MICALL1: variants seen among roughly 807,000 people sequenced by gnomAD.
MICALL1 encodes the protein MICAL-like protein 1.
Under a neutral mutation model 83.7 loss-of-function variants are expected in MICALL1, and 61 were observed. The ratio of observed to expected loss-of-function variants is 0.73; its 90% CI spans 0.59 to 0.90. The LOEUF is 0.90. Ranked by LOEUF, MICALL1 falls within the 40% of genes least tolerant of loss-of-function variation. The pLI is 0.00. For synonymous variants in MICALL1, 481 were observed against 473.6 expected, an observed-to-expected ratio of 1.02 and a Z score of -0.20; for missense variants, 1,066 against 1,152.0, an observed-to-expected ratio of 0.93 and a Z score of 1.08.
Position 37,912,423 on chromosome 22 carries a change from G to A in MICALL1, c.268G>A (p.Val90Ile), listed in dbSNP as rs142468594. 28 of 1,613,796 alleles carry A rather than the reference G, an allele frequency of 1.7e-5. No individual in the cohort carries two copies. Among genetic ancestry groups the A allele is most frequent in the Non-Finnish European group, 1.7e-5 (20 of 1,179,882 alleles). Reference sequence around the variant, plus strand: ...CCCCAATGACATGGTCTCCATGAGCGTCCCTGACTGCCTCAGCATCATGAC... The same window carrying A: ...CCCCAATGACATGGTCTCCATGAGCATCCCTGACTGCCTCAGCATCATGAC... ...LDPNDMVSMS[V>I]PDCLSIMTYV... The change falls in exon 3 of 16, where the codon GTC becomes ATC. Residue 90 changes from valine to isoleucine, a missense_variant. By Grantham distance (29) the Val-to-Ile change is conservative (BLOSUM62 3). Coordinates refer to ENST00000215957, the MANE Select transcript of MICALL1 (RefSeq NM_033386.4).
At position 37,927,500 on chromosome 22, in the gene MICALL1, G is replaced by A. The variant is rs9610875; in HGVS notation, c.1555G>A (p.Ala519Thr). 18 of 1,612,408 alleles carry A rather than the reference G, an allele frequency of 1.1e-5. No individual in the cohort carries two copies. Among genetic ancestry groups the A allele is most frequent in the African/African-American group, 2.7e-5 (2 of 74,898 alleles). ...CGTGGAGAGCCTGTCGTCTGAGAGC[G>A]CCAGCCAGACTGCAGGTGCAGAGCT... ...LSVESLSSES[A>T]SQTAGAELLE... The change falls in exon 9 of 16, where the codon GCC becomes ACC. Residue 519 changes from alanine (A) to threonine (T), a missense_variant. Transcript: ENST00000215957.
Position 37,912,380 on chromosome 22 carries a change from G to T in MICALL1, c.225G>T (p.Gly75=). ...TTGAAGTGGCTGAGAAGGAGCTGGG[G>T]ATCCCCGCTCTCCTGGACCCCAATG... ...LAFEVAEKEL[G]IPALLDPNDM... is the part of the protein sequence containing the mutation. Residue 75 remains glycine (G), a synonymous_variant, in exon 3 of 16, where the codon GGG becomes GGT. Transcript: ENST00000215957. 1 of 1,613,438 alleles carries T rather than the reference G, an allele frequency of 6.2e-7. No homozygotes were observed. Among genetic ancestry groups the T allele is most frequent in the Non-Finnish European group, 8.5e-7 (1 of 1,179,434 alleles).
At position 37,932,890 on chromosome 22, in the gene MICALL1, T is replaced by C; in HGVS notation, c.2234+2T>C. Reference sequence around the variant, plus strand: ...GCGAGAGTCCGAGCTCATCTATGTGTGAGTCCCCCCGCCTGGGGCATCCCT... The same window carrying C: ...GCGAGAGTCCGAGCTCATCTATGTGCGAGTCCCCCCGCCTGGGGCATCCCT... On this transcript the variant is annotated splice_donor_variant, in intron 12 of 15. Transcript: ENST00000215957. LOFTEE classifies it high-confidence loss of function. The surrounding 1 kb of genome is among the most constrained non-coding windows in gnomAD (Gnocchi z 4.4). 2 of 1,614,006 alleles carry C rather than the reference T, an allele frequency of 1.2e-6. No homozygotes were observed. The highest frequency in any genetic ancestry group is 1.7e-6 in the Non-Finnish European group (2 of 1,179,928).
intron 13 of MICALL1, among the ~76,000 whole-genome samples, chr22:37,933,468 G>A (rs1929914925): frequency 6.6e-6 from 1 of 152,306 alleles, no homozygotes; most frequent in Middle Eastern, 3.4e-3. Flanking sequence ...CTAACTTGCT[G>A]TGTGACCTTG....
chr22:37,911,747 C>A lies in MICALL1; in HGVS notation c.147-205C>A, dbSNP rs186922597. Among the ~76,000 whole-genome samples, 9 of 152,238 alleles carry A rather than the reference C, an allele frequency of 5.9e-5. No individual in the cohort carries two copies. The East Asian group carries it at 1.7e-3, about 29-fold the overall frequency. On this transcript the variant is annotated intron_variant, in intron 1 of 15. Coordinates refer to ENST00000215957, the MANE Select transcript of MICALL1 (RefSeq NM_033386.4). Reference sequence around the variant, plus strand: ...CCCGTGATCTCATGCCCTGCCCTGCCCTGGCAGCTCCAGCTCTAGCAGCGA... The same window carrying A: ...CCCGTGATCTCATGCCCTGCCCTGCACTGGCAGCTCCAGCTCTAGCAGCGA...
In MICALL1 at chr22:37,912,467, C is replaced by A; in HGVS notation, c.312C>A (p.Tyr104Ter). The A allele has an allele frequency of 6.2e-7, 1 of 1,613,306 alleles. No individual in the cohort carries two copies. Among genetic ancestry groups the A allele is most frequent in the South Asian group, 1.1e-5 (1 of 91,026 alleles). ...TCATGACCTATGTGTCCCAGTATTA[C>A]AACCACTTCTGCAGTCCTGGCCAAG... ...LSIMTYVSQY[Y>*]NHFCSPGQAG... Residue 104 changes from tyrosine (Y) to a stop codon, truncating the protein, a stop_gained, in exon 3 of 16, where the codon TAC becomes TAA. Transcript: ENST00000215957. LOFTEE classifies it high-confidence loss of function.
chr22:37,926,226 GA>G (rs1929430926), intron 8 of MICALL1, among the ~76,000 whole-genome samples, 183 bp downstream of exon 8: 1 of 152,196 alleles, frequency 6.6e-6, no homozygotes, highest in South Asian at 2.1e-4. Context: ...TGCAGGTGAG[GA>G]GACTGAGGCA....
At position 37,912,494 on chromosome 22, in the gene MICALL1, TGA is replaced by T. The variant is rs774749545; in HGVS notation, c.337+6_337+7del. The T allele has an allele frequency of 3.8e-6, 6 of 1,599,932 alleles. No homozygotes were observed. Among genetic ancestry groups the T allele is most frequent in the African/African-American group, 2.7e-5 (2 of 74,742 alleles). ...ACCACTTCTGCAGTCCTGGCCAAGG[TGA>T]GAGGGGGACTCAGCGTTTCACGGAG... On this transcript the variant is annotated splice_donor_region_variant and intron_variant, in intron 3 of 15. Transcript: ENST00000215957.
intron 13 of MICALL1, among the ~76,000 whole-genome samples, chr22:37,934,477 A>G (rs1929973102): frequency 1.3e-5 from 2 of 151,340 alleles, no homozygotes; most frequent in South Asian, 2.1e-4. Context: ...CCCCAGAACC[A>G]GGTTGGGCCA....
At chr22:37,935,401 C>T (rs1364467270) in intron 13 of MICALL1, among the ~76,000 whole-genome samples, 1 of 151,872 alleles carries the variant, frequency 6.6e-6, no homozygotes, top group East Asian at 1.9e-4. Context: ...GCTGGGACTA[C>T]AGGCGCCCGC....
At chr22:37,909,143 C>T (rs922538847) in intron 1 of MICALL1, among the ~76,000 whole-genome samples, 2 of 152,124 alleles carry the variant, frequency 1.3e-5, no homozygotes, top group Admixed American at 6.6e-5. Context: ...ACCTCTGCCT[C>T]CCGGATTCAA....
At chr22:37,920,543 G>A (rs1928963431) in intron 5 of MICALL1, among the ~76,000 whole-genome samples, 1 of 151,928 alleles carries the variant, frequency 6.6e-6, no homozygotes, top group Non-Finnish European at 1.5e-5. Flanking sequence ...TTCGGAGGCT[G>A]AGGCTGGAGG....
Position 37,941,078 on chromosome 22 carries a change from C to T in MICALL1, c.*248C>T, listed in dbSNP as rs556239294. On this transcript the variant is annotated 3_prime_UTR_variant, in exon 16 of 16. Transcript: ENST00000215957. ...CTGCCCAACCTGATTCTGATGACTG[C>T]GGATGCTGTGACGGACCCAAGGGGC... 93 of 416,324 alleles carry T rather than the reference C, an allele frequency of 2.2e-4. No individual in the cohort carries two copies. The highest frequency in any genetic ancestry group is 1.6e-3 in the Admixed American group (45 of 28,486). 25.8% of individuals were successfully genotyped at this position (416,324 alleles called of 1,614,324 possible).
rs1930485442 is a variant in MICALL1, at chr22:37,942,583, G to A, written c.*1753G>A. 6.6e-6 allele frequency: 1 copy of A among 151,250 alleles called. No individual in the cohort carries two copies. Among genetic ancestry groups the A allele is most frequent in the African/African-American group, 2.4e-5 (1 of 41,038 alleles). 9.4% of individuals were successfully genotyped at this position (151,250 alleles called of 1,614,324 possible). On this transcript the variant is annotated 3_prime_UTR_variant, in exon 16 of 16. Transcript: ENST00000215957. ...GTGGCGCGATCTCAGCTCACTGCAA[G>A]CTCCGCCTCCTGGGTTCACGCCATC...
In MICALL1 at chr22:37,924,073, A is replaced by T. The variant is rs542807398; in HGVS notation, c.1025-587A>T. 1.3e-5 allele frequency among the ~76,000 whole-genome samples: 2 copies of T among 152,308 alleles called. No homozygotes were observed. The highest frequency in any genetic ancestry group is 1.3e-4 in the Admixed American group (2 of 15,304). On this transcript the variant is annotated intron_variant, in intron 6 of 15. Transcript: ENST00000215957. This position sits in a 1 kb window ranked among gnomAD's most constrained non-coding sequence, Gnocchi z 5.2. ...CCCTTATCATTCCATTAGGGAAGGC[A>T]TTGGTGGCCACGGGGAGAGAGACTC...
chr22:37,941,442 C>G lies in MICALL1; in HGVS notation c.*612C>G, dbSNP rs796708382. 1.0e-4 allele frequency: 16 copies of G among 152,672 alleles called. No homozygotes were observed. Among genetic ancestry groups the G allele is most frequent in the African/African-American group, 3.8e-4 (16 of 41,578 alleles). The allele number at this position is 152,672 out of a possible 1,614,324, so 9.5% of individuals were successfully genotyped here. A position where few individuals can be genotyped will look rare whatever the true frequency, so the allele number is the denominator to read the frequency against. ...CGGGCAAATCCATCCCTCTCTCCCT[C>G]ACAGTTCCAGGAGCGGCTTCCCTCG... On this transcript the variant is annotated 3_prime_UTR_variant, in exon 16 of 16. Coordinates refer to ENST00000215957, the MANE Select transcript of MICALL1 (RefSeq NM_033386.4).
chr22:37,917,553 G>T (rs1223759504), intron 3 of MICALL1, among the ~76,000 whole-genome samples, 154 bp from the exon 4 acceptor site: 1 of 151,984 alleles, frequency 6.6e-6, no homozygotes, highest in Non-Finnish European at 1.5e-5. Context: ...GCGTCCCCGG[G>T]CCCGTGTGAA....
intron 13 of MICALL1, among the ~76,000 whole-genome samples, chr22:37,934,154 C>G (rs1929954290): frequency 1.3e-5 from 2 of 152,236 alleles, no homozygotes; most frequent in South Asian, 4.1e-4. Context: ...CTTACTGTGG[C>G]TTTTCCAGCC....
intron 3 of MICALL1, 30 bp downstream of exon 3, chr22:37,912,522 G>C: frequency 6.4e-7 from 1 of 1,567,100 alleles, no homozygotes; most frequent in Admixed American, 1.7e-5. Flanking sequence ...TTTCACGGAG[G>C]CTGGCCCAGG....
Sources: allele counts gnomAD v4.1 joint callset (sites outside exome capture counted in the v4.1 genomes callset), GRCh38; gene constraint gnomAD v4.1.1; non-coding constraint Gnocchi (gnomAD v3.1); transcripts MANE v1.5; gene names NCBI Gene and HGNC (gene_info 2026-07-23, HGNC 2026-07-21).